CTNNA3: variants seen among roughly 807,000 people sequenced by gnomAD.
The protein encoded by CTNNA3 is catenin alpha-3.
Under a neutral mutation model 95.7 loss-of-function variants are expected in CTNNA3, and 76 were observed. The observed-to-expected ratio is 0.79, with a 90% CI of 0.66 to 0.96. The LOEUF (loss-of-function observed/expected upper bound fraction) is 0.96, where lower values mean the gene tolerates loss of function less well. Ranked by LOEUF, CTNNA3 falls within the 40% of genes least tolerant of loss-of-function variation. CTNNA3 has a pLI of 0.00. For missense variants in CTNNA3, 1,191 were observed against 1,089.8 expected (o/e 1.09, Z -1.31); for synonymous variants, 431 against 374.4 (o/e 1.15, Z -1.74).
chr10:67,690,439 C>G (rs1840821008), intron 1 of CTNNA3, among the ~76,000 whole-genome samples: 1 of 152,098 alleles, frequency 6.6e-6, no homozygotes. Context: ...CTTATTTGGC[C>G]CCCACCATGT....
chr10:67,075,635 G>A (rs757402570), intron 7 of CTNNA3, among the ~76,000 whole-genome samples: 2 of 152,182 alleles, frequency 1.3e-5, no homozygotes, highest in Non-Finnish European at 2.9e-5. Flanking sequence ...CTACCACTAG[G>A]AGGAAAAGGA....
At chr10:66,380,613 CTATCTATCTATCTATA>C (rs1181705303) in intron 11 of CTNNA3, among the ~76,000 whole-genome samples, 3 of 109,846 alleles carry the variant, frequency 2.7e-5, no homozygotes, top group Admixed American at 9.1e-5. Context: ...ATCTATCTAT[CTATCTATCTATCTATA>C]TATATATATA....
chr10:66,812,456 C>T (rs985269186), intron 7 of CTNNA3, among the ~76,000 whole-genome samples: 3 of 152,158 alleles, frequency 2.0e-5, no homozygotes, highest in East Asian at 1.9e-4. Flanking sequence ...CAACATAATA[C>T]AATGGTTAAA....
intron 13 of CTNNA3, among the ~76,000 whole-genome samples, chr10:66,215,068 G>A (rs957707901): frequency 2.6e-5 from 4 of 152,166 alleles, no homozygotes; most frequent in African/African-American, 7.2e-5. Context: ...GAAAAAAAAG[G>A]AAGACTTGAT....
intron 7 of CTNNA3, among the ~76,000 whole-genome samples, chr10:67,071,136 C>T (rs1212077883): frequency 6.6e-6 from 1 of 152,178 alleles, no homozygotes; most frequent in African/African-American, 2.4e-5. Flanking sequence ...AAGCATCACT[C>T]TTATTGTTCA....
intron 10 of CTNNA3, 87 bp from the exon 11 acceptor site, chr10:66,520,860 C>T (rs1435203948): frequency 2.5e-6 from 2 of 793,066 alleles, no homozygotes; most frequent in African/African-American, 3.6e-5. Flanking sequence ...CACACTTCAC[C>T]ACTATGCAAT....
At chr10:66,704,753 G>C (rs1020569656) in intron 9 of CTNNA3, among the ~76,000 whole-genome samples, 1 of 152,150 alleles carries the variant, frequency 6.6e-6, no homozygotes, top group Non-Finnish European at 1.5e-5. Context: ...GTTCCAAAAA[G>C]CATCTTGGAT....
chr10:66,872,636 T>C (rs1844454911), intron 7 of CTNNA3, among the ~76,000 whole-genome samples: 1 of 152,020 alleles, frequency 6.6e-6, no homozygotes, highest in Admixed American at 6.6e-5. Context: ...GCCACTGCAC[T>C]CTAGCCTGGG....
chr10:67,089,444 A>G (rs866059453), intron 7 of CTNNA3, among the ~76,000 whole-genome samples: 1 of 152,034 alleles, frequency 6.6e-6, no homozygotes, highest in Non-Finnish European at 1.5e-5. Flanking sequence ...TTGTACTCAC[A>G]CCAATTAACC....
intron 5 of CTNNA3, among the ~76,000 whole-genome samples, chr10:67,476,610 C>G (rs760331161): frequency 2.6e-5 from 4 of 152,044 alleles, no homozygotes; most frequent in African/African-American, 4.8e-5. Flanking sequence ...CTGCCCCACC[C>G]TTCCTGCAAA....
chr10:65,960,210 T>G (rs2077814649), intron 17 of CTNNA3, among the ~76,000 whole-genome samples: 2 of 152,168 alleles, frequency 1.3e-5, no homozygotes, highest in African/African-American at 4.8e-5. Flanking sequence ...TTTTTTAAGT[T>G]AGACTAAATC....
rs2092326781 is a variant in CTNNA3, at chr10:66,331,338, GTTT to G, written c.1732+47811_1732+47813del. On this transcript the variant is annotated intron_variant, in intron 12 of 17. Coordinates refer to ENST00000433211, the MANE Select transcript of CTNNA3 (RefSeq NM_013266.4). ...TTAAATATGGACTCCTTTCCCCATT[GTTT>G]GTTTTTTTTTTTTTTTTTTTTTTTT... Among the ~76,000 whole-genome samples, 7 of 39,106 alleles carry G rather than the reference GTTT, an allele frequency of 1.8e-4. 1 individual carries two copies. The highest frequency in any genetic ancestry group is 8.4e-4 in the East Asian group (1 of 1,194). The allele number at this position is 39,106 out of a possible 152,430, so 25.7% of individuals were successfully genotyped here. A position where few individuals can be genotyped will look rare whatever the true frequency, so the allele number is the denominator to read the frequency against.
At chr10:67,504,896 T>C (rs1366298848) in intron 5 of CTNNA3, among the ~76,000 whole-genome samples, 1 of 152,246 alleles carries the variant, frequency 6.6e-6, no homozygotes, top group African/African-American at 2.4e-5. Context: ...TTTGCTTCTG[T>C]TTCATCTTTG....
At chr10:67,760,133 G>A (rs1841454815) in intron 1 of CTNNA3, among the ~76,000 whole-genome samples, 1 of 152,212 alleles carries the variant, frequency 6.6e-6, no homozygotes, top group South Asian at 2.1e-4. Context: ...ATAAAGTAAA[G>A]TTTCATCCAA....
chr10:66,314,751 C>T (rs2132270327), intron 12 of CTNNA3, among the ~76,000 whole-genome samples: 1 of 152,118 alleles, frequency 6.6e-6, no homozygotes, highest in Non-Finnish European at 1.5e-5. Context: ...AGTGTTCAAA[C>T]TGTCTTTTAC....
chr10:66,225,480 T>C (rs2089236718), intron 13 of CTNNA3, among the ~76,000 whole-genome samples: 1 of 148,852 alleles, frequency 6.7e-6, no homozygotes, highest in Non-Finnish European at 1.5e-5. Flanking sequence ...ATTAATCTGG[T>C]GATAAGCAAT....
intron 13 of CTNNA3, among the ~76,000 whole-genome samples, chr10:66,171,375 A>G (rs1211691424): frequency 1.3e-5 from 2 of 151,496 alleles, no homozygotes; most frequent in Non-Finnish European, 2.9e-5. Flanking sequence ...GTGAAACACC[A>G]TCTCTACTAA....
At chr10:65,971,215 A>G (rs913683651) in intron 16 of CTNNA3, among the ~76,000 whole-genome samples, 1 of 152,010 alleles carries the variant, frequency 6.6e-6, no homozygotes, top group Admixed American at 6.6e-5. Flanking sequence ...AAAGTTAGAA[A>G]GATCTCAAAT....
At chr10:66,941,328 T>C (rs1263566910) in intron 7 of CTNNA3, among the ~76,000 whole-genome samples, 1 of 152,172 alleles carries the variant, frequency 6.6e-6, no homozygotes, top group East Asian at 1.9e-4. Context: ...CAAAATACAT[T>C]TCTCGAGTGC....
Sources: gnomAD v4.1 joint callset for allele counts (sites outside exome capture counted in the v4.1 genomes callset) on GRCh38, gnomAD v4.1.1 for gene constraint, MANE v1.5 for transcripts, NCBI Gene and HGNC (gene_info 2026-07-23, HGNC 2026-07-21) for gene names.